Variants in CD151 observed in about 807,000 individuals in gnomAD.
The protein encoded by CD151 is CD151 antigen.
CD151 carries 20 observed loss-of-function variants against 34.2 expected under a neutral mutation model. That is an observed-to-expected ratio of 0.58 (90% CI 0.41 to 0.85). The LOEUF (loss-of-function observed/expected upper bound fraction) is 0.85. CD151 is among the 40% of genes least tolerant of loss of function. The pLI is 0.00. For synonymous variants in CD151, 157 were observed against 131.7 expected, an observed-to-expected ratio of 1.19 and a Z score of -1.32; for missense variants, 306 against 324.5, an observed-to-expected ratio of 0.94 and a Z score of 0.44.
At chr11:833,055 G>T in intron 1 of CD151, 29 bp downstream of exon 1, 1 of 151,058 alleles carries the variant, frequency 6.6e-6, no homozygotes, top group South Asian at 1.9e-4. Flanking sequence ...CAGCTCGGCC[G>T]AGCGGGGCGA....
At chr11:837,696 G>A in intron 7 of CD151, 78 bp downstream of exon 7, 1 of 1,433,920 alleles carries the variant, frequency 7.0e-7, no homozygotes, top group Non-Finnish European at 9.7e-7. Flanking sequence ...TGTGGGCAGT[G>A]GGACACGCCT....
At chr11:833,693 C>T (rs1846630566) in intron 1 of CD151, among the ~76,000 whole-genome samples, 1 of 152,178 alleles carries the variant, frequency 6.6e-6, no homozygotes, top group Non-Finnish European at 1.5e-5. Context: ...TCGCCTGTGT[C>T]CTCGCGGTGG....
At position 836,090 on chromosome 11, in the gene CD151, G is replaced by T; in HGVS notation, c.21G>T (p.Lys7Asn). 1.9e-6 allele frequency: 3 copies of T among 1,612,696 alleles called. No homozygotes were observed. The East Asian group carries it at 6.7e-5, about 36-fold the overall frequency. MGEFNE[K>N]KTTCGTVCLK... ...CCAGGATGGGTGAGTTCAACGAGAAGAAGACAACATGTGGCACCGTTTGCC... is the reference window on the plus strand; with the variant it reads ...CCAGGATGGGTGAGTTCAACGAGAATAAGACAACATGTGGCACCGTTTGCC... Residue 7 changes from lysine to asparagine, a missense_variant, in exon 3 of 9, where the codon AAG becomes AAT. Coordinates refer to ENST00000397420, the MANE Select transcript of CD151 (RefSeq NM_004357.5).
chr11:833,816 A>AT, intron 1 of CD151, among the ~76,000 whole-genome samples: 1 of 84,218 alleles, frequency 1.2e-5, no homozygotes, highest in East Asian at 6.0e-4. Context: ...GCAGACGCAC[A>AT]CCCCGCCCCC....
chr11:838,188 A>G lies in CD151; in HGVS notation c.758A>G (p.Tyr253Cys). The change falls in exon 9 of 9, where the codon TAC becomes TGC. Residue 253 changes from tyrosine to cysteine, a missense_variant. Tyr to Cys is a radical substitution (Grantham distance 194, BLOSUM62 -2). Coordinates refer to ENST00000397420, the MANE Select transcript of CD151 (RefSeq NM_004357.5). ...TACAGGAGTCTCAAGCTGGAGCACT[A>G]CTGACCCTGCCTTGGGCCTTGCTGC... is the stretch of plus-strand genomic sequence containing the variant. ...CLYRSLKLEH[Y>C] is the part of the protein sequence containing the mutation. The G allele has an allele frequency of 6.2e-7, 1 of 1,612,622 alleles. No individual in the cohort carries two copies. Among genetic ancestry groups the G allele is most frequent in the Middle Eastern group, 1.6e-4 (1 of 6,062 alleles).
In CD151 at chr11:836,232, C is replaced by T. The variant is rs1846760877; in HGVS notation, c.85-19C>T. ...ATCAGACCTGGGCAGATGCGATGAC[C>T]TTTGTGTACTGCTTGTAGCTGGCTG... On this transcript the variant is annotated intron_variant, in intron 3 of 8. Coordinates refer to ENST00000397420, the MANE Select transcript of CD151 (RefSeq NM_004357.5). The T allele has an allele frequency of 6.2e-7, 1 of 1,606,888 alleles. No individual in the cohort carries two copies. Among genetic ancestry groups the T allele is most frequent in the Non-Finnish European group, 8.5e-7 (1 of 1,175,968 alleles).
At position 838,723 on chromosome 11, in the gene CD151, C is replaced by T. The variant is rs1459153321; in HGVS notation, c.*531C>T. ...CGTGGTCACTGTGCACTGCCCTGTT[C>T]ATGTGCCTCTGCGGGGCAGGGCCTT... On this transcript the variant is annotated 3_prime_UTR_variant, in exon 9 of 9. Transcript: ENST00000397420. 3 of 168,972 alleles carry T rather than the reference C, an allele frequency of 1.8e-5. No homozygotes were observed. The highest frequency in any genetic ancestry group is 2.6e-5 in the Non-Finnish European group (2 of 77,904). The allele number at this position is 168,972 out of a possible 1,614,324, so 10.5% of individuals were successfully genotyped here. A position where few individuals can be genotyped will look rare whatever the true frequency, so the allele number is the denominator to read the frequency against.
chr11:834,849 G>A (rs919884256), intron 2 of CD151: 3 of 152,766 alleles, frequency 2.0e-5, no homozygotes, highest in Non-Finnish European at 2.9e-5. Flanking sequence ...CAGTCTGCCA[G>A]GCTCCACCTG....
intron 3 of CD151, 27 bp from the exon 4 acceptor site, chr11:836,224 G>A (rs748378441): frequency 6.2e-7 from 1 of 1,602,900 alleles, no homozygotes; most frequent in South Asian, 1.1e-5. Context: ...CTGGGCAGAT[G>A]CGATGACCTT....
In CD151 at chr11:838,033, G is replaced by C. The variant is rs1226967934; in HGVS notation, c.702+5G>C. ...ATCGGCATTGCCTGTGTGCAGGTGA[G>C]GGCACATGGGGGTGGCGGTCATCTT... is the stretch of plus-strand genomic sequence containing the variant. On this transcript the variant is annotated splice_donor_5th_base_variant and intron_variant, in intron 8 of 8. Coordinates refer to ENST00000397420, the MANE Select transcript of CD151 (RefSeq NM_004357.5). 4 of 1,612,180 alleles carry C rather than the reference G, an allele frequency of 2.5e-6. No homozygotes were observed. Among genetic ancestry groups the C allele is most frequent in the Non-Finnish European group, 3.4e-6 (4 of 1,178,778 alleles).
Position 838,010 on chromosome 11 carries a change from C to T in CD151, c.684C>T (p.Ile228=), listed in dbSNP as rs764046037. 26 of 1,613,198 alleles carry T rather than the reference C, an allele frequency of 1.6e-5. No homozygotes were observed. Among genetic ancestry groups the T allele is most frequent in the East Asian group, 2.2e-5 (1 of 44,886 alleles). Residue 228 remains isoleucine (I), a synonymous_variant, in exon 8 of 9, where the codon ATC becomes ATT. Transcript: ENST00000397420. ...EHLRVIGAVG[I]GIACVQVFGM... is the part of the protein sequence containing the mutation. The stretch of plus-strand genomic sequence containing the variant: ...TGAGGGTCATTGGGGCTGTGGGGAT[C>T]GGCATTGCCTGTGTGCAGGTGAGGG...
At chr11:837,202 T>C in intron 5 of CD151, 48 bp from the exon 6 acceptor site, 2 of 1,503,100 alleles carry the variant, frequency 1.3e-6, no homozygotes, top group Non-Finnish European at 9.3e-7. Context: ...CAGCCCCACC[T>C]TGGAAGGTCT....
At chr11:835,759 C>T (rs1016316431) in intron 2 of CD151, 2 of 319,244 alleles carry the variant, frequency 6.3e-6, no homozygotes, top group East Asian at 7.1e-5. Flanking sequence ...ACCATCTCGG[C>T]TCACTGCAAG....
chr11:836,734 T>C (rs772770951), intron 4 of CD151, 35 bp from the exon 5 acceptor site: 14 of 1,599,562 alleles, frequency 8.8e-6, no homozygotes, highest in African/African-American at 2.7e-5. Context: ...GCACTAGGCC[T>C]CAGAACAAGG....
chr11:834,802 A>G (rs6597977), intron 2 of CD151: 105,125 of 152,216 alleles, frequency 0.69, 36,797 homozygotes, highest in East Asian at 0.85. Flanking sequence ...CTGCCCCCTC[A>G]GGTTGGTGTG....
rs180882500 is a variant in CD151 at position 834,541 on chromosome 11, G to C, written c.-58G>C. 6.6e-6 allele frequency: 1 copy of C among 152,458 alleles called. No individual in the cohort carries two copies. Among genetic ancestry groups the C allele is most frequent in the African/African-American group, 2.4e-5 (1 of 41,428 alleles). 9.4% of individuals were successfully genotyped at this position (152,458 alleles called of 1,614,324 possible). A position where few individuals can be genotyped will look rare whatever the true frequency, so the allele number is the denominator to read the frequency against. On this transcript the variant is annotated 5_prime_UTR_variant, in exon 2 of 9. Transcript: ENST00000397420. ...CCTTGCCCCTCTAGCCTAGAGTCCT[G>C]GGGAGCTTCTGTCCACCTGTCCTGC...
rs1340488955 is a variant in CD151 at position 836,830 on chromosome 11, C to T, written c.338C>T (p.Ala113Val). Residue 113 changes from alanine (A) to valine (V), a missense_variant, in exon 5 of 9, where the codon GCC (alanine) becomes GTC (valine). Physicochemically the swap from Ala to Val is moderately conservative, Grantham distance 64. Coordinates refer to ENST00000397420, the MANE Select transcript of CD151 (RefSeq NM_004357.5). ...LEIIAGILAYAYYQQLNTELK... is the reference protein window; with the variant it reads ...LEIIAGILAYVYYQQLNTELK... Reference sequence around the variant, plus strand: ...ATCATCGCTGGTATCCTCGCCTACGCCTACTACCAGCAGGTGAGGGGCCTG... The same window carrying T: ...ATCATCGCTGGTATCCTCGCCTACGTCTACTACCAGCAGGTGAGGGGCCTG... The T allele has an allele frequency of 6.2e-7, 1 of 1,612,574 alleles. No homozygotes were observed. Among genetic ancestry groups the T allele is most frequent in the Non-Finnish European group, 8.5e-7 (1 of 1,179,872 alleles).
intron 5 of CD151, 129 bp downstream of exon 5, chr11:836,972 G>C (rs74045201): frequency 1.3e-6 from 1 of 798,206 alleles, no homozygotes; most frequent in East Asian, 2.7e-5. Flanking sequence ...TGTGCCACTG[G>C]GCCCTGGAGA....
Position 838,601 on chromosome 11 carries a change from T to G in CD151, c.*409T>G. On this transcript the variant is annotated 3_prime_UTR_variant, in exon 9 of 9. Coordinates refer to ENST00000397420, the MANE Select transcript of CD151 (RefSeq NM_004357.5). The stretch of plus-strand genomic sequence containing the variant: ...GGGAAGCCAGGTGAGCTCTGACCCT[T>G]GGGCCTGGGCCTCTGCCCCTCCCAA... 2 of 266,922 alleles carry G rather than the reference T, an allele frequency of 7.5e-6. No individual in the cohort carries two copies. The highest frequency in any genetic ancestry group is 4.7e-5 in the South Asian group (1 of 21,082). 16.5% of individuals were successfully genotyped at this position (266,922 alleles called of 1,614,324 possible).
Sources: allele counts gnomAD v4.1 joint callset (sites outside exome capture counted in the v4.1 genomes callset), GRCh38; gene constraint gnomAD v4.1.1; transcripts MANE v1.5; gene names NCBI Gene and HGNC (gene_info 2026-07-23, HGNC 2026-07-21).